The following BTBD9 variants were observed in gnomAD, a reference collection of about 807,000 sequenced individuals.
BTBD9 encodes the protein BTB domain containing 9.
BTBD9 carries 49 observed loss-of-function variants against 64.3 expected under a neutral mutation model. The observed-to-expected ratio is 0.76, with a 90% CI of 0.61 to 0.97. The LOEUF (loss-of-function observed/expected upper bound fraction) is 0.97, where lower values mean the gene tolerates loss of function less well. BTBD9 is among the 50% of genes least tolerant of loss of function. The pLI, the probability that BTBD9 is intolerant of heterozygous loss-of-function variation, is 0.00. For synonymous variants in BTBD9, 260 were observed against 274.7 expected (o/e 0.95, Z 0.53); for missense variants, 598 against 762.1 (o/e 0.78, Z 2.53).
chr6:38,369,587 A>T (rs1427925087), intron 6 of BTBD9, among the ~76,000 whole-genome samples: 1 of 152,262 alleles, frequency 6.6e-6, no homozygotes, highest in African/African-American at 2.4e-5. Flanking sequence ...TCTCGTGAAC[A>T]AAACTTCTCT....
At chr6:38,203,125 A>T (rs980606562) in intron 9 of BTBD9, among the ~76,000 whole-genome samples, 2 of 152,222 alleles carry the variant, frequency 1.3e-5, no homozygotes, top group African/African-American at 2.4e-5. Flanking sequence ...ACAATGAGAT[A>T]TCATCTTACC....
intron 6 of BTBD9, among the ~76,000 whole-genome samples, chr6:38,509,195 A>C (rs371859729): frequency 6.6e-6 from 1 of 152,218 alleles, no homozygotes; most frequent in Non-Finnish European, 1.5e-5. Context: ...GGAAGGGGGA[A>C]ATGATTATAC....
chr6:38,296,571 A>C (rs1452823100), intron 7 of BTBD9, among the ~76,000 whole-genome samples: 2 of 152,112 alleles, frequency 1.3e-5, no homozygotes, highest in African/African-American at 4.8e-5. Flanking sequence ...AATGTATTTA[A>C]AGCTAATATA....
intron 6 of BTBD9, among the ~76,000 whole-genome samples, chr6:38,479,866 C>A (rs1771054845): frequency 6.6e-6 from 1 of 152,076 alleles, no homozygotes; most frequent in Non-Finnish European, 1.5e-5. Context: ...GTAGCTGGGA[C>A]TACAGGTGTG....
chr6:38,191,804 C>G (rs1762085453), intron 10 of BTBD9, among the ~76,000 whole-genome samples: 1 of 152,162 alleles, frequency 6.6e-6, no homozygotes, highest in Non-Finnish European at 1.5e-5. Context: ...CTCCAAGGTC[C>G]TGGTGTGTGT....
intron 6 of BTBD9, among the ~76,000 whole-genome samples, chr6:38,551,300 T>C (rs1260713980): frequency 6.6e-6 from 1 of 152,118 alleles, no homozygotes; most frequent in Non-Finnish European, 1.5e-5. Flanking sequence ...AGGGCGATGT[T>C]CACTCCGGGC....
intron 6 of BTBD9, among the ~76,000 whole-genome samples, chr6:38,400,787 C>T (rs1364116651): frequency 6.6e-6 from 1 of 152,196 alleles, no homozygotes; most frequent in African/African-American, 2.4e-5. Flanking sequence ...ACTGTAACAA[C>T]TTTAAAATAA....
At chr6:38,525,336 C>G (rs1487918382) in intron 6 of BTBD9, among the ~76,000 whole-genome samples, 1 of 152,166 alleles carries the variant, frequency 6.6e-6, no homozygotes, top group Non-Finnish European at 1.5e-5. Flanking sequence ...TGAGGCCTCC[C>G]CAGCCATGTG....
At chr6:38,372,366 C>A (rs1030098781) in intron 6 of BTBD9, among the ~76,000 whole-genome samples, 1 of 152,196 alleles carries the variant, frequency 6.6e-6, no homozygotes, top group Non-Finnish European at 1.5e-5. Context: ...TAATTTGTCA[C>A]ATCCTCAGGC....
At chr6:38,224,578 G>A (rs1763325445) in intron 9 of BTBD9, among the ~76,000 whole-genome samples, 1 of 152,166 alleles carries the variant, frequency 6.6e-6, no homozygotes, top group African/African-American at 2.4e-5. Context: ...TCTATCAACT[G>A]AAAGGTCTGA....
chr6:38,214,813 A>G (rs779702301), intron 9 of BTBD9, among the ~76,000 whole-genome samples: 3 of 152,232 alleles, frequency 2.0e-5, no homozygotes, highest in Non-Finnish European at 4.4e-5. Context: ...CATAGTAAAC[A>G]AGCAGCCATA....
At chr6:38,603,458 T>A (rs1176339519) in intron 1 of BTBD9, among the ~76,000 whole-genome samples, 2 of 152,200 alleles carry the variant, frequency 1.3e-5, no homozygotes, top group African/African-American at 4.8e-5. Flanking sequence ...ATCAATACAC[T>A]GAGAGTACCA....
In BTBD9 at chr6:38,170,922, A is replaced by C. The variant is rs1345319025; in HGVS notation, c.*4063T>G. The C allele has an allele frequency of 2.6e-5, 4 of 152,240 alleles. No homozygotes were observed. The highest frequency in any genetic ancestry group is 9.6e-5 in the African/African-American group (4 of 41,472). 9.4% of individuals were successfully genotyped at this position (152,240 alleles called of 1,614,324 possible). A position where few individuals can be genotyped will look rare whatever the true frequency, so the allele number is the denominator to read the frequency against. ...ATCGCTCGGAGGAGCTGGTCACCAC[A>C]TAGAAGGTAAGATTAAAATAATAAC... On this transcript the variant is annotated 3_prime_UTR_variant, in exon 11 of 11. Coordinates refer to ENST00000481247, the MANE Select transcript of BTBD9 (RefSeq NM_001099272.2).
At chr6:38,580,092 C>T in intron 5 of BTBD9, 126 bp downstream of exon 5, 2 of 882,806 alleles carry the variant, frequency 2.3e-6, no homozygotes, top group South Asian at 3.9e-5. Flanking sequence ...CCAAAACCAA[C>T]CTTCAAGAGA....
intron 9 of BTBD9, among the ~76,000 whole-genome samples, chr6:38,212,932 T>TTAA (rs958804405): frequency 6.6e-6 from 1 of 152,144 alleles, no homozygotes; most frequent in Non-Finnish European, 1.5e-5. Context: ...TTTTCAAATG[T>TTAA]TAAGAATTTG....
intron 9 of BTBD9, among the ~76,000 whole-genome samples, chr6:38,219,296 A>G (rs973126300): frequency 1.5e-4 from 16 of 110,064 alleles, no homozygotes; most frequent in Non-Finnish European, 2.5e-4. Context: ...CACCACACCC[A>G]GCTAATTTTT....
chr6:38,489,777 G>A (rs1771619195), intron 6 of BTBD9, among the ~76,000 whole-genome samples: 1 of 152,006 alleles, frequency 6.6e-6, no homozygotes, highest in African/African-American at 2.4e-5. Context: ...GCCATCTTTT[G>A]TGAATTGTCT....
At chr6:38,193,990 C>A (rs1399443866) in intron 9 of BTBD9, 20 of 727,288 alleles carry the variant, frequency 2.7e-5, no homozygotes, top group South Asian at 6.2e-5. Context: ...AGAAAAATCA[C>A]TGTCTCCATA....
intron 6 of BTBD9, among the ~76,000 whole-genome samples, chr6:38,553,497 T>C (rs1322619004): frequency 6.6e-6 from 1 of 152,192 alleles, no homozygotes; most frequent in African/African-American, 2.4e-5. Context: ...GGTTATCCCT[T>C]ACACTATATT....
Sources: gnomAD v4.1 joint callset for allele counts (sites outside exome capture counted in the v4.1 genomes callset) on GRCh38, gnomAD v4.1.1 for gene constraint, MANE v1.5 for transcripts, NCBI Gene and HGNC (gene_info 2026-07-23, HGNC 2026-07-21) for gene names.